Variants in ABHD12B observed in about 807,000 individuals in gnomAD.
The protein encoded by ABHD12B is abhydrolase domain containing 12B, also known as protein ABHD12B.
Under a neutral mutation model 50.4 loss-of-function variants are expected in ABHD12B, and 42 were observed. The observed-to-expected ratio is 0.83, with a 90% CI of 0.65 to 1.08. The LOEUF (loss-of-function observed/expected upper bound fraction) is 1.08, where lower values mean the gene tolerates loss of function less well. ABHD12B is among the 50% of genes least tolerant of loss of function. The pLI, the probability that ABHD12B is intolerant of heterozygous loss-of-function variation, is 0.00. For synonymous variants in ABHD12B, 167 were observed against 160.3 expected (o/e 1.04, Z -0.32); for missense variants, 479 against 447.7 (o/e 1.07, Z -0.63).
intron 9 of ABHD12B, chr14:50,891,289 C>T (rs910632191): frequency 1.3e-5 from 2 of 151,778 alleles, no homozygotes; most frequent in Non-Finnish European, 2.9e-5. Flanking sequence ...GTCGTCCAGG[C>T]TGGAGTGCAG....
intron 9 of ABHD12B, among the ~76,000 whole-genome samples, chr14:50,890,523 C>G (rs2050103380): frequency 6.6e-6 from 1 of 152,024 alleles, no homozygotes; most frequent in Non-Finnish European, 1.5e-5. Flanking sequence ...CATCTCTGAG[C>G]AATATTGTTT....
chr14:50,900,877 G>A (rs918904317), intron 9 of ABHD12B, among the ~76,000 whole-genome samples: 1 of 152,180 alleles, frequency 6.6e-6, no homozygotes, highest in African/African-American at 2.4e-5. Flanking sequence ...TAATCCAATT[G>A]CCTTTGGAGG....
chr14:50,892,334 T>C, intron 9 of ABHD12B: 1 of 836,984 alleles, frequency 1.2e-6, no homozygotes. Flanking sequence ...CAAAAGGGAA[T>C]GAGGGTAGTA....
In ABHD12B at chr14:50,878,094, T is replaced by C; in HGVS notation, c.232+15T>C. 6.7e-7 allele frequency: 1 copy of C among 1,503,132 alleles called. No homozygotes were observed. The highest frequency in any genetic ancestry group is 8.8e-7 in the Non-Finnish European group (1 of 1,132,224). The allele number at this position is 1,503,132 out of a possible 1,614,324, so 93.1% of individuals were successfully genotyped here. A position where few individuals can be genotyped will look rare whatever the true frequency, so the allele number is the denominator to read the frequency against. ...TTTTAATTTTTGTAAGTATGGACCT[T>C]CCATAAATTTTCCTATATAATTTTT... On this transcript the variant is annotated intron_variant, in intron 2 of 12. Coordinates refer to ENST00000337334, the MANE Select transcript of ABHD12B (RefSeq NM_001206673.2).
intron 1 of ABHD12B, 86 bp from the exon 2 acceptor site, chr14:50,877,866 C>CAA (rs10672040): frequency 0.29 from 343,678 of 1,182,318 alleles, 27,744 homozygotes; most frequent in Admixed American, 0.42. Flanking sequence ...GAACTCTGTC[C>CAA]AAAAAAAAAC....
chr14:50,902,554 T>C (rs771768867), intron 10 of ABHD12B, among the ~76,000 whole-genome samples: 1 of 152,184 alleles, frequency 6.6e-6, no homozygotes, highest in Non-Finnish European at 1.5e-5. Flanking sequence ...CTTTTCCCCA[T>C]ATAATGAAAA....
intron 9 of ABHD12B, among the ~76,000 whole-genome samples, chr14:50,899,293 T>C (rs1484941554): frequency 2.0e-5 from 3 of 152,242 alleles, no homozygotes; most frequent in Non-Finnish European, 4.4e-5. Context: ...TTAGTGGCAC[T>C]GGCTTACCTA....
intron 7 of ABHD12B, among the ~76,000 whole-genome samples, chr14:50,886,329 C>T (rs756277064): frequency 1.3e-5 from 2 of 151,484 alleles, no homozygotes; most frequent in Non-Finnish European, 2.9e-5. Context: ...ATCCCAGCTA[C>T]TCAGGAAGCT....
chr14:50,900,377 T>C (rs1393130739), intron 9 of ABHD12B, among the ~76,000 whole-genome samples: 1 of 152,240 alleles, frequency 6.6e-6, no homozygotes, highest in African/African-American at 2.4e-5. Context: ...ATTTATGAAG[T>C]GTCTATTATG....
chr14:50,881,429 A>AT (rs150141062), intron 4 of ABHD12B, among the ~76,000 whole-genome samples, 167 bp from the exon 5 acceptor site: 16,220 of 141,312 alleles, frequency 0.11, 1,155 homozygotes, highest in East Asian at 0.23. Flanking sequence ...GAAACCCAGC[A>AT]TTTTTTTTTT....
chr14:50,877,871 A>AAG, intron 1 of ABHD12B, 81 bp from the exon 2 acceptor site: 1 of 1,418,404 alleles, frequency 7.1e-7, no homozygotes, highest in Admixed American at 2.8e-5. Flanking sequence ...CTGTCCAAAA[A>AAG]AAAACAAAGA....
chr14:50,892,396 A>G, intron 9 of ABHD12B: 1 of 985,304 alleles, frequency 1.0e-6, no homozygotes, highest in Non-Finnish European at 1.2e-6. Context: ...GGCAAAGTCT[A>G]GCTTTGGCCT....
chr14:50,872,317 G>A, intron 1 of ABHD12B, 39 bp downstream of exon 1: 2 of 1,239,608 alleles, frequency 1.6e-6, no homozygotes, highest in Non-Finnish European at 2.0e-6. Context: ...GGGCCCCGAC[G>A]GCTCAGGCTG....
chr14:50,886,589 A>C, intron 7 of ABHD12B, 58 bp from the exon 8 acceptor site: 4 of 1,514,270 alleles, frequency 2.6e-6, no homozygotes, highest in Non-Finnish European at 3.6e-6. Context: ...CTCATACCAG[A>C]AGTTGCATTT....
intron 9 of ABHD12B, among the ~76,000 whole-genome samples, chr14:50,900,823 C>T (rs565145070): frequency 2.0e-5 from 3 of 152,264 alleles, no homozygotes; most frequent in East Asian, 3.9e-4. Flanking sequence ...AGGAAGCCGC[C>T]GGATTCTTCA....
At chr14:50,897,575 A>G (rs1299062663) in intron 9 of ABHD12B, among the ~76,000 whole-genome samples, 1 of 152,238 alleles carries the variant, frequency 6.6e-6, no homozygotes, top group Non-Finnish European at 1.5e-5. Flanking sequence ...TATAAAGTTA[A>G]CAGGGATTTC....
intron 1 of ABHD12B, among the ~76,000 whole-genome samples, chr14:50,873,221 T>G (rs1193581202): frequency 4.0e-5 from 6 of 151,168 alleles, no homozygotes; most frequent in African/African-American, 7.3e-5. Context: ...TCTCTCTCTC[T>G]CTTTTTTTTT....
chr14:50,904,252 T>C, intron 12 of ABHD12B, 60 bp downstream of exon 12: 2 of 1,613,606 alleles, frequency 1.2e-6, no homozygotes, highest in African/African-American at 1.3e-5. Flanking sequence ...TGCTCTGGCT[T>C]ACTTAGGCCA....
chr14:50,886,761 A>G, intron 8 of ABHD12B, 77 bp downstream of exon 8: 1 of 1,365,876 alleles, frequency 7.3e-7, no homozygotes, highest in South Asian at 1.2e-5. Context: ...ACTATTGTGT[A>G]CACTTTGAAC....
Sources: allele counts gnomAD v4.1 joint callset (sites outside exome capture counted in the v4.1 genomes callset), GRCh38; gene constraint gnomAD v4.1.1; transcripts MANE v1.5; gene names NCBI Gene and HGNC (gene_info 2026-07-23, HGNC 2026-07-21).